The following FSIP2 variants were observed in gnomAD, a reference collection of about 807,000 sequenced individuals.
The protein encoded by FSIP2 is fibrous sheath interacting protein 2, also known as fibrous sheath-interacting protein 2.
A neutral mutation model predicts 510.5 loss-of-function variants in FSIP2; 367 were observed. The observed-to-expected ratio is 0.72, with a 90% CI of 0.66 to 0.78. The LOEUF (loss-of-function observed/expected upper bound fraction) is 0.78. Among genes scored for constraint, FSIP2 ranks in the 30% least tolerant of loss-of-function variants. FSIP2 has a pLI of 0.00. For synonymous variants in FSIP2, 2,601 were observed against 2,732.2 expected, an observed-to-expected ratio of 0.95 and a Z score of 1.50; for missense variants, 7,594 against 7,901.7, an observed-to-expected ratio of 0.96 and a Z score of 1.48.
rs1400439065 is a variant in FSIP2 at position 185,803,680 on chromosome 2, A to AG, written c.14375dup (p.Ser4792ArgfsTer28). ...AATGTATACCACTATGTTATCACATAGTCATTTGGAAAAAATAGTTACTCA... is the reference window on the plus strand; with the variant it reads ...AATGTATACCACTATGTTATCACATAGGTCATTTGGAAAAAATAGTTACTCA... On this transcript the variant is annotated frameshift_variant, in exon 17 of 23. Transcript: ENST00000424728. LOFTEE classifies it high-confidence loss of function. The AG allele has an allele frequency of 5.2e-6, 8 of 1,531,908 alleles. No homozygotes were observed. Among genetic ancestry groups the AG allele is most frequent in the Non-Finnish European group, 7.0e-6 (8 of 1,144,026 alleles). The allele number at this position is 1,531,908 out of a possible 1,614,324, so 94.9% of individuals were successfully genotyped here. A position where few individuals can be genotyped will look rare whatever the true frequency, so the allele number is the denominator to read the frequency against.
At position 185,777,420 on chromosome 2, in the gene FSIP2, C is replaced by A. The variant is rs146729037; in HGVS notation, c.1412-5285C>A. Among the ~76,000 whole-genome samples the A allele has an allele frequency of 5.2e-3, 708 of 136,416 alleles. 6 individuals are homozygous for A. The highest frequency in any genetic ancestry group is 0.025 in the Middle Eastern group (6 of 236). The allele number at this position is 136,416 out of a possible 152,430, so 89.5% of individuals were successfully genotyped here. A position where few individuals can be genotyped will look rare whatever the true frequency, so the allele number is the denominator to read the frequency against. The stretch of plus-strand genomic sequence containing the variant: ...TTTTTTTTTTTTTTTTTGCACTCTT[C>A]CCTTTCCTAAGACCTGAAGTGCAAT... On this transcript the variant is annotated intron_variant, in intron 13 of 22. Transcript: ENST00000424728.
chr2:185,802,143 T>C lies in FSIP2; in HGVS notation c.12837T>C (p.Ser4279=), dbSNP rs1693454763. The C allele has an allele frequency of 3.3e-6, 5 of 1,533,042 alleles. No homozygotes were observed. Among genetic ancestry groups the C allele is most frequent in the African/African-American group, 1.4e-5 (1 of 72,826 alleles). 95.0% of individuals were successfully genotyped at this position (1,533,042 alleles called of 1,614,324 possible). A position where few individuals can be genotyped will look rare whatever the true frequency, so the allele number is the denominator to read the frequency against. Residue 4279 remains serine (S), a synonymous_variant, in exon 17 of 23, where the codon TCT becomes TCC. Coordinates refer to ENST00000424728, the MANE Select transcript of FSIP2 (RefSeq NM_173651.4). ...CHPRTPLDPV[S]TIVTQVLSEV... Reference sequence around the variant, plus strand: ...CAAGGACTCCACTGGATCCAGTGTCTACTATTGTTACACAGGTTCTGAGTG... The same window carrying C: ...CAAGGACTCCACTGGATCCAGTGTCCACTATTGTTACACAGGTTCTGAGTG...
intron 11 of FSIP2, among the ~76,000 whole-genome samples, chr2:185,762,313 A>G (rs7566166): frequency 0.54 from 82,235 of 150,992 alleles, 22,651 homozygotes; most frequent in South Asian, 0.64. Context: ...TTGGAATACA[A>G]AGAACTATCC....
rs898568255 is a variant in FSIP2, at chr2:185,787,077, C to T, written c.1506+789C>T. On this transcript the variant is annotated intron_variant, in intron 15 of 22. Transcript: ENST00000424728. ...AATGTAGGTTTTTGTTTATCATCTCCAGTAATAAGAAAAATGACATATTTT... is the reference window on the plus strand; with the variant it reads ...AATGTAGGTTTTTGTTTATCATCTCTAGTAATAAGAAAAATGACATATTTT... Among the ~76,000 whole-genome samples the T allele has an allele frequency of 3.3e-5, 5 of 151,760 alleles. No homozygotes were observed. In the East Asian group the frequency reaches 9.7e-4, roughly 29 times the overall value.
At chr2:185,739,861 C>T (rs887174038) in intron 2 of FSIP2, among the ~76,000 whole-genome samples, 2 of 151,948 alleles carry the variant, frequency 1.3e-5, no homozygotes, top group African/African-American at 4.8e-5. Context: ...GTATCTTGGA[C>T]CAAACTCTCT....
In FSIP2 at chr2:185,801,671, C is replaced by T. The variant is rs931985948; in HGVS notation, c.12365C>T (p.Thr4122Ile). ...TTGCAAAAGCTTCAAAGTAACCTAA[C>T]AGAATTTACTTCTCTACCCAGGTCT... ...IILQKLQSNLTEFTSLPRSSS... is the reference protein window; with the variant it reads ...IILQKLQSNLIEFTSLPRSSS... Residue 4122 changes from threonine (T) to isoleucine (I), a missense_variant, in exon 17 of 23, where the codon ACA becomes ATA. Transcript: ENST00000424728. 1.3e-6 allele frequency: 2 copies of T among 1,527,112 alleles called. No homozygotes were observed. Among genetic ancestry groups the T allele is most frequent in the African/African-American group, 1.4e-5 (1 of 72,570 alleles). The allele number at this position is 1,527,112 out of a possible 1,614,324, so 94.6% of individuals were successfully genotyped here.
At chr2:185,777,690 C>G (rs918548623) in intron 13 of FSIP2, among the ~76,000 whole-genome samples, 1 of 152,008 alleles carries the variant, frequency 6.6e-6, no homozygotes, top group Non-Finnish European at 1.5e-5. Flanking sequence ...GGCCACACAT[C>G]CTTGATTAAA....
rs542263986 is a variant in FSIP2 at position 185,789,181 on chromosome 2, C to G, written c.2045C>G (p.Ala682Gly). The part of the protein sequence containing the change: ...SSLHCDKTAK[A>G]MDEMKNLKNV... The stretch of plus-strand genomic sequence containing the variant: ...TTGCATTGTGATAAAACAGCAAAAG[C>G]CATGGATGAAATGAAGAATTTAAAA... The change falls in exon 16 of 23, where the codon GCC becomes GGC. Residue 682 changes from alanine (A) to glycine (G), a missense_variant. Coordinates refer to ENST00000424728, the MANE Select transcript of FSIP2 (RefSeq NM_173651.4). The G allele has an allele frequency of 4.5e-5, 69 of 1,534,362 alleles. No individual in the cohort carries two copies. Among genetic ancestry groups the G allele is most frequent in the Non-Finnish European group, 5.8e-5 (67 of 1,145,660 alleles).
intron 21 of FSIP2, among the ~76,000 whole-genome samples, chr2:185,829,177 C>T (rs1012587421): frequency 1.3e-5 from 2 of 151,868 alleles, no homozygotes; most frequent in Non-Finnish European, 2.9e-5. Flanking sequence ...CTAATCTGGA[C>T]TCCTTCTGCT....
In FSIP2 at chr2:185,800,515, A is replaced by C; in HGVS notation, c.11209A>C (p.Ser3737Arg). ...FYSSNNEQPN[S>R]ILTNNLQLSS... Reference sequence around the variant, plus strand: ...CTCCTCGAATAATGAGCAACCTAATAGCATACTTACCAATAACCTACAGCT... The same window carrying C: ...CTCCTCGAATAATGAGCAACCTAATCGCATACTTACCAATAACCTACAGCT... Residue 3737 changes from serine to arginine, a missense_variant, in exon 17 of 23, where the codon AGC becomes CGC. Transcript: ENST00000424728. The C allele has an allele frequency of 1.3e-6, 2 of 1,532,668 alleles. No homozygotes were observed. The highest frequency in any genetic ancestry group is 1.7e-6 in the Non-Finnish European group (2 of 1,145,268). The allele number at this position is 1,532,668 out of a possible 1,614,324, so 94.9% of individuals were successfully genotyped here.
intron 13 of FSIP2, among the ~76,000 whole-genome samples, chr2:185,781,430 C>T (rs1014584598): frequency 6.6e-6 from 1 of 152,160 alleles, no homozygotes; most frequent in African/African-American, 2.4e-5. Flanking sequence ...AACATATTTT[C>T]AGCTTATGAT....
At chr2:185,787,594 G>C (rs1693019432) in intron 15 of FSIP2, among the ~76,000 whole-genome samples, 1 of 151,768 alleles carries the variant, frequency 6.6e-6, no homozygotes. Flanking sequence ...TAAAAATAGA[G>C]TACTACTTTA....
intron 5 of FSIP2, 58 bp from the exon 6 acceptor site, chr2:185,746,611 A>G: frequency 1.5e-6 from 2 of 1,333,730 alleles, no homozygotes; most frequent in South Asian, 1.6e-5. Context: ...ATAGCAGATG[A>G]TGCCATCATA....
Position 185,795,711 on chromosome 2 carries a change from TTGA to T in FSIP2, c.8580_8582del (p.Met2860del). 1 of 1,533,000 alleles carries T rather than the reference TTGA, an allele frequency of 6.5e-7. No individual in the cohort carries two copies. The highest frequency in any genetic ancestry group is 8.7e-7 in the Non-Finnish European group (1 of 1,145,172). The allele number at this position is 1,533,000 out of a possible 1,614,324, so 95.0% of individuals were successfully genotyped here. A position where few individuals can be genotyped will look rare whatever the true frequency, so the allele number is the denominator to read the frequency against. ...CAAGGAAAATGAAAAATGTAAGCTA[TTGA>T]TGATAGCTGAAAATGTTTTGACTGA... On this transcript the variant is annotated inframe_deletion, in exon 16 of 23. Transcript: ENST00000424728.
chr2:185,781,881 A>T, intron 13 of FSIP2, among the ~76,000 whole-genome samples: 1 of 150,596 alleles, frequency 6.6e-6, no homozygotes, highest in East Asian at 2.0e-4. Flanking sequence ...TCTGTCACCC[A>T]GGCTGGAGTG....
At chr2:185,772,353 G>A (rs543272332) in intron 13 of FSIP2, among the ~76,000 whole-genome samples, 5 of 151,992 alleles carry the variant, frequency 3.3e-5, no homozygotes, top group Non-Finnish European at 7.4e-5. Flanking sequence ...CATTTGTATT[G>A]CTATAAAGGA....
rs1268271109 is a variant in FSIP2, at chr2:185,761,967, T to C, written c.1195-5T>C. 1 of 1,459,732 alleles carries C rather than the reference T, an allele frequency of 6.9e-7. No homozygotes were observed. The highest frequency in any genetic ancestry group is 1.4e-5 in the African/African-American group (1 of 71,276). The allele number at this position is 1,459,732 out of a possible 1,614,324, so 90.4% of individuals were successfully genotyped here. On this transcript the variant is annotated splice_polypyrimidine_tract_variant and splice_region_variant and intron_variant, in intron 10 of 22. Coordinates refer to ENST00000424728, the MANE Select transcript of FSIP2 (RefSeq NM_173651.4). ...ATTTTTTCTCTTCAATGTGGTACCA[T>C]GTAGAGAGATGGGATGGTATCTAAA...
chr2:185,791,475 C>T lies in FSIP2; in HGVS notation c.4339C>T (p.Leu1447Phe), dbSNP rs1048891181. Reference sequence around the variant, plus strand: ...AACACTACATGAAATGTTAAGCAAGCTCCTGGGGACCCATCTTCATTCTCA... The same window carrying T: ...AACACTACATGAAATGTTAAGCAAGTTCCTGGGGACCCATCTTCATTCTCA... ...GETLHEMLSK[L>F]LGTHLHSQLS... The change falls in exon 16 of 23, where the codon CTC becomes TTC. Residue 1447 changes from leucine to phenylalanine, a missense_variant. Transcript: ENST00000424728. The T allele has an allele frequency of 2.3e-5, 36 of 1,534,006 alleles. 1 individual carries two copies. The Middle Eastern group carries it at 1.2e-3, about 50-fold the overall frequency.
At position 185,738,861 on chromosome 2, in the gene FSIP2, G is replaced by A. The variant is rs1691853466; in HGVS notation, c.-34G>A. The A allele has an allele frequency of 1.3e-6, 2 of 1,524,474 alleles. No individual in the cohort carries two copies. Among genetic ancestry groups the A allele is most frequent in the South Asian group, 2.4e-5 (2 of 83,738 alleles). The allele number at this position is 1,524,474 out of a possible 1,614,324, so 94.4% of individuals were successfully genotyped here. On this transcript the variant is annotated 5_prime_UTR_variant, in exon 1 of 23. Coordinates refer to ENST00000424728, the MANE Select transcript of FSIP2 (RefSeq NM_173651.4). Reference sequence around the variant, plus strand: ...GGGTGCTAGAGAAGGAGAGCGGGGCGGGTGAGGAAGGGGCTGAGGGGGCTG... The same window carrying A: ...GGGTGCTAGAGAAGGAGAGCGGGGCAGGTGAGGAAGGGGCTGAGGGGGCTG...
Sources: allele counts gnomAD v4.1 joint callset (sites outside exome capture counted in the v4.1 genomes callset), GRCh38; gene constraint gnomAD v4.1.1; transcripts MANE v1.5; gene names NCBI Gene and HGNC (gene_info 2026-07-23, HGNC 2026-07-21).